ZEB1: variants seen among roughly 807,000 people sequenced by gnomAD.
ZEB1 encodes the protein zinc finger E-box-binding homeobox 1.
ZEB1 carries 21 observed loss-of-function variants against 84.9 expected under a neutral mutation model. The observed-to-expected ratio is 0.25, with a 90% CI of 0.18 to 0.36. The LOEUF is 0.36. ZEB1 is among the 10% of genes least tolerant of loss of function. The pLI, the probability that ZEB1 is intolerant of heterozygous loss-of-function variation, is 1.00. For missense variants in ZEB1, 1,104 were observed against 1,330.2 expected, an observed-to-expected ratio of 0.83 and a Z score of 2.65; for synonymous variants, 420 against 471.1, an observed-to-expected ratio of 0.89 and a Z score of 1.41.
intron 1 of ZEB1, among the ~76,000 whole-genome samples, chr10:31,397,957 G>A (rs910095618): frequency 6.6e-5 from 10 of 152,136 alleles, no homozygotes; most frequent in Non-Finnish European, 1.2e-4. Flanking sequence ...TAGCAAAGTT[G>A]ACTGAATAAG....
chr10:31,473,516 C>G (rs2063591332), intron 2 of ZEB1, among the ~76,000 whole-genome samples: 2 of 151,934 alleles, frequency 1.3e-5, no homozygotes, highest in East Asian at 1.9e-4. Context: ...CGTGAAGGAC[C>G]TCTTCAAGGA....
intron 1 of ZEB1, among the ~76,000 whole-genome samples, chr10:31,436,383 A>G (rs1000593909): frequency 3.9e-5 from 6 of 151,962 alleles, no homozygotes; most frequent in Non-Finnish European, 8.8e-5. Context: ...TGGGAACCAC[A>G]CTTTTATTCT....
At chr10:31,390,264 A>G (rs528603495) in intron 1 of ZEB1, among the ~76,000 whole-genome samples, 1 of 152,294 alleles carries the variant, frequency 6.6e-6, no homozygotes, top group East Asian at 1.9e-4. Flanking sequence ...AGAAGAGGAC[A>G]TCATCAGGCT....
intron 1 of ZEB1, among the ~76,000 whole-genome samples, chr10:31,428,573 G>A (rs2057283899): frequency 6.6e-6 from 1 of 152,170 alleles, no homozygotes; most frequent in Non-Finnish European, 1.5e-5. Flanking sequence ...TATCTATCAG[G>A]TCCATTTGAT....
At chr10:31,379,320 G>A (rs933955760) in intron 1 of ZEB1, among the ~76,000 whole-genome samples, 1 of 151,798 alleles carries the variant, frequency 6.6e-6, no homozygotes, top group Non-Finnish European at 1.5e-5. Flanking sequence ...CATCTCTTTT[G>A]TTTGTTTGTT....
chr10:31,459,176 T>C (rs981036452), intron 1 of ZEB1, among the ~76,000 whole-genome samples: 1 of 152,082 alleles, frequency 6.6e-6, no homozygotes, highest in Non-Finnish European at 1.5e-5. Context: ...GTCAAAACAT[T>C]GTAAATCAAG....
chr10:31,353,464 G>T (rs903049629), intron 1 of ZEB1, among the ~76,000 whole-genome samples: 1 of 152,190 alleles, frequency 6.6e-6, no homozygotes, highest in African/African-American at 2.4e-5. Context: ...CTAATTGGTA[G>T]AAACAAGTGG....
At chr10:31,487,310 T>C (rs1287882122) in intron 2 of ZEB1, among the ~76,000 whole-genome samples, 2 of 151,462 alleles carry the variant, frequency 1.3e-5, no homozygotes, top group Admixed American at 6.6e-5. Flanking sequence ...TTTGATTTGA[T>C]TTGTGTTAAA....
At chr10:31,384,279 A>G (rs1333021637) in intron 1 of ZEB1, among the ~76,000 whole-genome samples, 1 of 152,056 alleles carries the variant, frequency 6.6e-6, no homozygotes, top group Admixed American at 6.6e-5. Context: ...CATGACCTAC[A>G]CCAGTGCTCC....
chr10:31,412,438 T>C (rs2135823347), intron 1 of ZEB1, among the ~76,000 whole-genome samples: 1 of 152,218 alleles, frequency 6.6e-6, no homozygotes, highest in South Asian at 2.1e-4. Flanking sequence ...GGCCCTGGTG[T>C]GTGATGTTCC....
chr10:31,463,200 G>C (rs1340975015), intron 2 of ZEB1, among the ~76,000 whole-genome samples: 3 of 152,016 alleles, frequency 2.0e-5, no homozygotes, highest in African/African-American at 7.2e-5. Context: ...GGGGCAATAA[G>C]AATAAGGTAG....
intron 2 of ZEB1, among the ~76,000 whole-genome samples, chr10:31,479,887 A>G (rs1196320631): frequency 6.6e-6 from 1 of 151,966 alleles, no homozygotes; most frequent in East Asian, 1.9e-4. Flanking sequence ...AAATACTATC[A>G]ACTTTATTCT....
intron 1 of ZEB1, among the ~76,000 whole-genome samples, chr10:31,395,786 A>C (rs1238358587): frequency 6.6e-6 from 1 of 152,214 alleles, no homozygotes; most frequent in Non-Finnish European, 1.5e-5. Context: ...TTTTATGTGA[A>C]GATAACTAAT....
intron 1 of ZEB1, chr10:31,321,343 C>A (rs569532114): frequency 6.8e-7 from 1 of 1,465,238 alleles, no homozygotes; most frequent in Non-Finnish European, 9.0e-7. Context: ...TTCAAATAAA[C>A]ACTTGCATTT....
At chr10:31,426,927 T>C (rs1432927152) in intron 1 of ZEB1, among the ~76,000 whole-genome samples, 2 of 151,792 alleles carry the variant, frequency 1.3e-5, no homozygotes, top group East Asian at 3.9e-4. Flanking sequence ...TTGAATTGTA[T>C]ACCTCTTCCC....
intron 1 of ZEB1, among the ~76,000 whole-genome samples, chr10:31,375,805 A>G (rs893712492): frequency 6.6e-6 from 1 of 151,730 alleles, no homozygotes; most frequent in African/African-American, 2.4e-5. Flanking sequence ...TATGGAAAGG[A>G]AAATAATGTT....
chr10:31,429,711 T>C (rs1314302219), intron 1 of ZEB1, among the ~76,000 whole-genome samples: 2 of 150,100 alleles, frequency 1.3e-5, no homozygotes, highest in Admixed American at 6.6e-5. Flanking sequence ...AGTGAATCTG[T>C]TGTGAATACT....
chr10:31,320,519 G>A (rs2033662702), intron 1 of ZEB1: 2 of 152,210 alleles, frequency 1.3e-5, no homozygotes, highest in African/African-American at 4.8e-5. Context: ...CGACGGACGC[G>A]CGGGGCTGCT....
intron 1 of ZEB1, among the ~76,000 whole-genome samples, chr10:31,396,071 C>T (rs1049479345): frequency 8.5e-5 from 13 of 152,168 alleles, no homozygotes; most frequent in Non-Finnish European, 2.9e-5. Flanking sequence ...TTTCATTTCA[C>T]TGAGGTTTTT....
Sources: allele counts gnomAD v4.1 joint callset (sites outside exome capture counted in the v4.1 genomes callset), GRCh38; gene constraint gnomAD v4.1.1; transcripts MANE v1.5; gene names NCBI Gene and HGNC (gene_info 2026-07-23, HGNC 2026-07-21).